Variants in ZNF385D observed in about 807,000 individuals in gnomAD.
ZNF385D encodes the protein zinc finger protein 385D, also known as zinc finger protein 659.
ZNF385D carries 15 observed loss-of-function variants against 35.8 expected under a neutral mutation model. The observed-to-expected ratio is 0.42, with a 90% confidence interval of 0.28 to 0.64. The LOEUF is 0.64. ZNF385D is among the 30% of genes least tolerant of loss of function. The pLI is 0.23. For missense variants in ZNF385D, 474 were observed against 494.6 expected, an observed-to-expected ratio of 0.96 and a Z score of 0.39; for synonymous variants, 212 against 186.8, an observed-to-expected ratio of 1.13 and a Z score of -1.10.
At chr3:21,514,634 G>A (rs1278814611) in intron 3 of ZNF385D, among the ~76,000 whole-genome samples, 1 of 151,818 alleles carries the variant, frequency 6.6e-6, no homozygotes, top group Non-Finnish European at 1.5e-5. Flanking sequence ...AGGACAAACA[G>A]GGAGCTTTAA....
At chr3:22,213,761 C>T (rs1697675863) in intron 2 of ZNF385D, among the ~76,000 whole-genome samples, 1 of 152,020 alleles carries the variant, frequency 6.6e-6, no homozygotes, top group Non-Finnish European at 1.5e-5. Context: ...ACTATCTCAT[C>T]AGCACACCAG....
chr3:22,117,080 G>A (rs570243804), intron 3 of ZNF385D, among the ~76,000 whole-genome samples: 8 of 152,026 alleles, frequency 5.3e-5, no homozygotes, highest in Non-Finnish European at 1.5e-5. Flanking sequence ...CCCAAATTCA[G>A]GCTTTGAGAT....
At chr3:22,032,810 A>C (rs548588308) in intron 3 of ZNF385D, among the ~76,000 whole-genome samples, 7 of 152,132 alleles carry the variant, frequency 4.6e-5, no homozygotes, top group Admixed American at 4.6e-4. Context: ...ACTGATTTGC[A>C]TGCTTTAGAT....
intron 1 of ZNF385D, among the ~76,000 whole-genome samples, chr3:21,697,955 T>A (rs2067530435): frequency 6.6e-6 from 1 of 151,976 alleles, no homozygotes; most frequent in Admixed American, 6.6e-5. Context: ...CCAACAGATA[T>A]CGTCATGGAT....
intron 2 of ZNF385D, among the ~76,000 whole-genome samples, chr3:22,313,526 G>T (rs558638883): frequency 3.9e-5 from 6 of 152,036 alleles, no homozygotes; most frequent in Non-Finnish European, 1.5e-5. Context: ...ATATGGTGTA[G>T]ATGTCACATT....
At chr3:21,835,831 T>G (rs972166172) in intron 3 of ZNF385D, among the ~76,000 whole-genome samples, 1 of 152,084 alleles carries the variant, frequency 6.6e-6, no homozygotes, top group Admixed American at 6.6e-5. Flanking sequence ...CAACTAAATG[T>G]CTCTGTCAAT....
chr3:22,228,038 G>T (rs1217151491), intron 2 of ZNF385D, among the ~76,000 whole-genome samples: 1 of 152,134 alleles, frequency 6.6e-6, no homozygotes, highest in East Asian at 1.9e-4. Flanking sequence ...TTGCCTGTCT[G>T]CATCATCCCA....
At chr3:22,209,666 G>A (rs1697389623) in intron 2 of ZNF385D, among the ~76,000 whole-genome samples, 1 of 151,314 alleles carries the variant, frequency 6.6e-6, no homozygotes, top group African/African-American at 2.4e-5. Flanking sequence ...ATTTATTTTT[G>A]AAAGCTTTAA....
Position 22,127,760 on chromosome 3 carries a change from CA to C in ZNF385D, c.325+41056del, listed in dbSNP as rs536045126. On this transcript the variant is annotated intron_variant, in intron 3 of 5. Transcript: ENST00000494108. ...AAAACAACCAAAGAAACTAAACAAG[CA>C]AAGGAAAAACTAAAGACATTCTACA... Among the ~76,000 whole-genome samples the C allele has an allele frequency of 1.2e-4, 19 of 152,220 alleles. No individual in the cohort carries two copies. In the East Asian group the frequency reaches 3.3e-3, roughly 26 times the overall value.
At chr3:21,908,160 ATCTATCTATC>A (rs1559743556) in intron 3 of ZNF385D, among the ~76,000 whole-genome samples, 2 of 148,780 alleles carry the variant, frequency 1.3e-5, no homozygotes, top group South Asian at 2.3e-4. Flanking sequence ...CTATCTATCT[ATCTATCTATC>A]TATATATGTA....
At chr3:21,576,408 A>C (rs2063498422) in intron 2 of ZNF385D, among the ~76,000 whole-genome samples, 1 of 152,208 alleles carries the variant, frequency 6.6e-6, no homozygotes. Context: ...ATACAGCTCA[A>C]AGGATGGATG....
At chr3:22,319,291 G>A (rs1453097148) in intron 2 of ZNF385D, among the ~76,000 whole-genome samples, 1 of 151,792 alleles carries the variant, frequency 6.6e-6, no homozygotes, top group Non-Finnish European at 1.5e-5. Context: ...TCCTCTGAAT[G>A]GATAGTGATG....
At chr3:21,738,855 TAAAG>T (rs1258959514) in intron 1 of ZNF385D, among the ~76,000 whole-genome samples, 4 of 152,228 alleles carry the variant, frequency 2.6e-5, no homozygotes, top group Non-Finnish European at 5.9e-5. Context: ...ATTTTATACT[TAAAG>T]AAAGCAAGAG....
intron 2 of ZNF385D, among the ~76,000 whole-genome samples, chr3:22,298,616 A>G (rs1328406560): frequency 6.7e-6 from 1 of 149,426 alleles, no homozygotes; most frequent in Non-Finnish European, 1.5e-5. Context: ...TCAACATGTT[A>G]CATCTGTGGT....
intron 3 of ZNF385D, among the ~76,000 whole-genome samples, chr3:21,546,762 T>C (rs1224807576): frequency 6.6e-6 from 1 of 151,830 alleles, no homozygotes; most frequent in African/African-American, 2.4e-5. Context: ...ATAAATGAGG[T>C]CTAGGGAACT....
chr3:21,928,295 A>T (rs1700838976), intron 3 of ZNF385D, among the ~76,000 whole-genome samples: 1 of 126,554 alleles, frequency 7.9e-6, no homozygotes, highest in Non-Finnish European at 1.6e-5. Context: ...GGAAGGAAGG[A>T]GGGAGGAAGG....
At chr3:21,931,227 T>C (rs768590271) in intron 3 of ZNF385D, among the ~76,000 whole-genome samples, 12 of 152,132 alleles carry the variant, frequency 7.9e-5, no homozygotes, top group Non-Finnish European at 1.6e-4. Context: ...AAATGCAAAT[T>C]AAAATCACAA....
intron 3 of ZNF385D, among the ~76,000 whole-genome samples, chr3:22,103,269 G>C (rs763797578): frequency 6.6e-6 from 1 of 151,008 alleles, no homozygotes; most frequent in Non-Finnish European, 1.5e-5. Context: ...AGTTTCTTGA[G>C]GGCAAGGGCC....
intron 3 of ZNF385D, among the ~76,000 whole-genome samples, chr3:22,060,525 T>C (rs1404554213): frequency 2.0e-5 from 3 of 152,198 alleles, no homozygotes; most frequent in Non-Finnish European, 2.9e-5. Flanking sequence ...AGTTTTCATT[T>C]TGTAAAGCAT....
Sources: gnomAD v4.1 joint callset for allele counts (sites outside exome capture counted in the v4.1 genomes callset) on GRCh38, gnomAD v4.1.1 for gene constraint, MANE v1.5 for transcripts, NCBI Gene and HGNC (gene_info 2026-07-23, HGNC 2026-07-21) for gene names.